The following STXBP6 variants were observed in gnomAD, a reference collection of about 807,000 sequenced individuals.
The protein encoded by STXBP6 is syntaxin-binding protein 6.
Under a neutral mutation model 26.9 loss-of-function variants are expected in STXBP6, and 21 were observed. That is an observed-to-expected ratio of 0.78 (90% CI 0.55 to 1.12). The LOEUF is 1.12. Among genes scored for constraint, STXBP6 ranks in the 50% most tolerant of loss-of-function variants. The pLI, the probability that STXBP6 is intolerant of heterozygous loss-of-function variation, is 0.00. For synonymous variants in STXBP6, 97 were observed against 92.6 expected (o/e 1.05, Z -0.27); for missense variants, 232 against 257.9 (o/e 0.90, Z 0.69).
At chr14:24,857,262 C>A in intron 2 of STXBP6, 105 bp from the exon 3 acceptor site, 2 of 1,447,728 alleles carry the variant, frequency 1.4e-6, no homozygotes, top group Non-Finnish European at 9.5e-7. Context: ...TGCACAATAA[C>A]AGAGAGAAGG....
In STXBP6 at chr14:24,943,841, A is replaced by G. The variant is rs187552506; in HGVS notation, c.154+30824T>C. On this transcript the variant is annotated intron_variant, in intron 2 of 5. Transcript: ENST00000323944. ...GCTCTAGCTTTGACTCTGAAGTACC[A>G]AAGAACTGAAATAAAAACATATTTC... Among the ~76,000 whole-genome samples, 4 of 152,370 alleles carry G rather than the reference A, an allele frequency of 2.6e-5. No individual in the cohort carries two copies. The East Asian group carries it at 7.7e-4, about 29-fold the overall frequency.
At chr14:24,958,858 G>A (rs769640106) in intron 2 of STXBP6, among the ~76,000 whole-genome samples, 4 of 152,224 alleles carry the variant, frequency 2.6e-5, no homozygotes, top group Non-Finnish European at 5.9e-5. Flanking sequence ...TATCTGAAAG[G>A]TTCCAAGCAA....
intron 4 of STXBP6, among the ~76,000 whole-genome samples, chr14:24,851,891 G>T (rs2069169551): frequency 6.6e-6 from 1 of 152,114 alleles, no homozygotes; most frequent in African/African-American, 2.4e-5. Flanking sequence ...CAATGACAGG[G>T]TTGGTCCAGA....
At chr14:24,962,287 TTTTATTTATTTATTTA>T (rs72330952) in intron 2 of STXBP6, among the ~76,000 whole-genome samples, 10,795 of 140,230 alleles carry the variant, frequency 0.077, 473 homozygotes, top group East Asian at 0.14. Context: ...GTACAAGATA[TTTTATTTATTTATTTA>T]TTTATTTATT....
chr14:24,920,113 C>T (rs954372428), intron 2 of STXBP6, among the ~76,000 whole-genome samples: 4 of 152,046 alleles, frequency 2.6e-5, no homozygotes, highest in African/African-American at 7.2e-5. Flanking sequence ...ACAGCATCTA[C>T]GTATCAAAAA....
intron 1 of STXBP6, among the ~76,000 whole-genome samples, chr14:25,042,008 C>G (rs1016846928): frequency 2.0e-5 from 3 of 152,156 alleles, no homozygotes; most frequent in African/African-American, 7.2e-5. Flanking sequence ...AGACTGGAAA[C>G]TAGTTTGATT....
chr14:25,006,286 G>A (rs2074896870), intron 1 of STXBP6, among the ~76,000 whole-genome samples: 1 of 152,162 alleles, frequency 6.6e-6, no homozygotes, highest in African/African-American at 2.4e-5. Flanking sequence ...CATTCTTGCT[G>A]TGGGCTCAGG....
rs2067777333 is a variant in STXBP6 at position 24,810,052 on chromosome 14, C to T, written c.*2657G>A. The T allele has an allele frequency of 1.3e-5, 2 of 152,178 alleles. No homozygotes were observed. 9.4% of individuals were successfully genotyped at this position (152,178 alleles called of 1,614,324 possible). On this transcript the variant is annotated 3_prime_UTR_variant, in exon 6 of 6. Coordinates refer to ENST00000323944, the MANE Select transcript of STXBP6 (RefSeq NM_001394410.1). ...TAATATGAAACATTAACCTGAATAA[C>T]TGCATACTTTCTGTACACAGGTATC... is the stretch of plus-strand genomic sequence containing the variant.
chr14:24,991,996 CTT>C (rs549939938), intron 1 of STXBP6, among the ~76,000 whole-genome samples: 23 of 152,324 alleles, frequency 1.5e-4, no homozygotes, highest in Non-Finnish European at 2.6e-4. Flanking sequence ...ACGTGCCACT[CTT>C]TTGCTCAACA....
intron 1 of STXBP6, among the ~76,000 whole-genome samples, chr14:25,036,855 CAAAAAAA>C (rs549439602): frequency 1.6e-5 from 1 of 62,340 alleles, no homozygotes; most frequent in Non-Finnish European, 3.4e-5. Flanking sequence ...GACTCCGTCT[CAAAAAAA>C]AAAAAAAAAA....
intron 2 of STXBP6, among the ~76,000 whole-genome samples, chr14:24,883,002 C>T (rs747356007): frequency 4.3e-4 from 66 of 152,134 alleles, no homozygotes; most frequent in Non-Finnish European, 8.5e-4. Context: ...TGGATAATGA[C>T]TTCAATTTCC....
chr14:24,939,760 C>T (rs1011380060), intron 2 of STXBP6, among the ~76,000 whole-genome samples: 13 of 152,248 alleles, frequency 8.5e-5, no homozygotes, highest in African/African-American at 2.4e-4. Context: ...TAACCCAACA[C>T]GTAATAAATA....
At chr14:25,001,441 T>C (rs747820157) in intron 1 of STXBP6, among the ~76,000 whole-genome samples, 2 of 152,324 alleles carry the variant, frequency 1.3e-5, no homozygotes, top group Non-Finnish European at 2.9e-5. Context: ...GATGACTCTT[T>C]TGGGTCCCTA....
chr14:24,940,013 T>C (rs1232396146), intron 2 of STXBP6, among the ~76,000 whole-genome samples: 1 of 152,194 alleles, frequency 6.6e-6, no homozygotes, highest in Non-Finnish European at 1.5e-5. Context: ...AAGAGGTGTG[T>C]CATCACTGAC....
At chr14:24,859,793 G>A (rs2069467205) in intron 2 of STXBP6, among the ~76,000 whole-genome samples, 1 of 152,276 alleles carries the variant, frequency 6.6e-6, no homozygotes, top group East Asian at 1.9e-4. Context: ...TCACAGGGAA[G>A]AGACCAACAC....
intron 2 of STXBP6, among the ~76,000 whole-genome samples, chr14:24,959,116 A>G (rs950649282): frequency 2.6e-5 from 4 of 152,222 alleles, no homozygotes; most frequent in African/African-American, 9.6e-5. Context: ...TAGTTCTAGC[A>G]GAGTTGCCAC....
chr14:24,818,824 G>A (rs969841225), intron 5 of STXBP6, among the ~76,000 whole-genome samples: 13 of 152,118 alleles, frequency 8.5e-5, no homozygotes, highest in African/African-American at 2.9e-4. Context: ...TCAGAGATAC[G>A]GCTGAGGACA....
intron 2 of STXBP6, among the ~76,000 whole-genome samples, chr14:24,933,186 C>CA (rs942951589): frequency 6.6e-6 from 1 of 152,012 alleles, no homozygotes; most frequent in South Asian, 2.1e-4. Flanking sequence ...ATAAAAAATA[C>CA]AAAAAATTAG....
In STXBP6 at chr14:24,812,561, A is replaced by G; in HGVS notation, c.*148T>C. ...AAAAATGCAACACCCTTTCTTTCAC[A>G]TTAACATCTGAAAAGAAAAAACAAA... On this transcript the variant is annotated 3_prime_UTR_variant, in exon 6 of 6. Coordinates refer to ENST00000323944, the MANE Select transcript of STXBP6 (RefSeq NM_001394410.1). 1 of 690,404 alleles carries G rather than the reference A, an allele frequency of 1.4e-6. No individual in the cohort carries two copies. The highest frequency in any genetic ancestry group is 1.8e-5 in the South Asian group (1 of 55,048). The allele number at this position is 690,404 out of a possible 1,614,324, so 42.8% of individuals were successfully genotyped here.
Sources: gnomAD v4.1 joint callset for allele counts (sites outside exome capture counted in the v4.1 genomes callset) on GRCh38, gnomAD v4.1.1 for gene constraint, MANE v1.5 for transcripts, NCBI Gene and HGNC (gene_info 2026-07-23, HGNC 2026-07-21) for gene names.